Variants in ZNF157 observed in about 807,000 individuals in gnomAD.
ZNF157 encodes the protein zinc finger protein 157.
In ZNF157, 8 loss-of-function variants were observed where a neutral mutation model predicts 9.4. That is an observed-to-expected ratio of 0.85 (90% CI 0.50 to 1.53). The LOEUF is 1.53. Ranked by LOEUF, ZNF157 falls within the 40% of genes most tolerant of loss-of-function variation. The pLI is 0.00. For synonymous variants in ZNF157, 120 were observed against 130.8 expected (o/e 0.92, Z 0.56); for missense variants, 316 against 385.2 (o/e 0.82, Z 1.50).
intron 1 of ZNF157, among the ~76,000 whole-genome samples, chrX:47,392,580 T>C (rs2055900599): frequency 9.0e-6 from 1 of 111,605 alleles, no homozygotes; most frequent in African/African-American, 3.3e-5. Flanking sequence ...CACTATAGTT[T>C]GTTCTCTAGC....
intron 1 of ZNF157, among the ~76,000 whole-genome samples, chrX:47,376,090 G>A (rs376060756): frequency 1.8e-5 from 2 of 111,781 alleles, no homozygotes; most frequent in East Asian, 2.8e-4. Context: ...TGTATTTAAG[G>A]TTCCTCCATG....
chrX:47,413,225 A>C lies in ZNF157; in HGVS notation c.1152A>C (p.Lys384Asn), dbSNP rs1186494595. 1 of 1,211,737 alleles carries C rather than the reference A, an allele frequency of 8.3e-7. No individual in the cohort carries two copies. The highest frequency in any genetic ancestry group is 1.1e-6 in the Non-Finnish European group (1 of 895,411). Residue 384 changes from lysine (K) to asparagine (N), a missense_variant, in exon 4 of 4, where the codon AAA becomes AAC. Physicochemically the swap from Lys to Asn is moderately conservative, Grantham distance 94. Transcript: ENST00000377073. ...ATCAGAGAATTCACACAGGAGAGAA[A>C]CCTTACGAATGTAATGAGTGTGGTA... ...GIHQRIHTGE[K>N]PYECNECGNA...
chrX:47,391,811 A>C (rs767761771), intron 1 of ZNF157, among the ~76,000 whole-genome samples: 1 of 110,775 alleles, frequency 9.0e-6, no homozygotes, highest in Non-Finnish European at 1.9e-5. Flanking sequence ...TGGCCTCCCA[A>C]AGTGCTGGGA....
intron 1 of ZNF157, among the ~76,000 whole-genome samples, chrX:47,380,961 AAAG>A (rs1444467324): frequency 6.5e-5 from 4 of 61,101 alleles, no homozygotes; most frequent in Non-Finnish European, 1.2e-4. Flanking sequence ...AGGAGAAAGA[AAAG>A]GAGGAGCAGG....
chrX:47,389,216 C>CT (rs761527935), intron 1 of ZNF157, among the ~76,000 whole-genome samples: 3 of 109,379 alleles, frequency 2.7e-5, no homozygotes, highest in Non-Finnish European at 5.7e-5. Context: ...TTTCTTTTTT[C>CT]TTTTTTTTGA....
intron 1 of ZNF157, among the ~76,000 whole-genome samples, chrX:47,385,100 G>A (rs1253418792): frequency 9.0e-6 from 1 of 111,708 alleles, no homozygotes; most frequent in African/African-American, 3.2e-5. Context: ...GGACTGCATC[G>A]TGTTTGGATG....
At chrX:47,379,108 G>A (rs922933713) in intron 1 of ZNF157, among the ~76,000 whole-genome samples, 1 of 110,330 alleles carries the variant, frequency 9.1e-6, no homozygotes, top group African/African-American at 3.3e-5. Context: ...AATGCACAAC[G>A]TACTGTTTTT....
chrX:47,412,853 C>G lies in ZNF157; in HGVS notation c.780C>G (p.Thr260=), dbSNP rs139313195. ...GGAAAACCTTTTCTGAGAAGGCAAC[C>G]CTCACGATTCATCAGAGAACTCACA... is the stretch of plus-strand genomic sequence containing the variant. ...ECGKTFSEKA[T]LTIHQRTHTG... is the part of the protein sequence containing the mutation. The change falls in exon 4 of 4, where the codon ACC becomes ACG. Residue 260 remains threonine, a synonymous_variant. Coordinates refer to ENST00000377073, the MANE Select transcript of ZNF157 (RefSeq NM_003446.4). 3.3e-6 allele frequency: 4 copies of G among 1,210,097 alleles called. No individual in the cohort carries two copies. The highest frequency in any genetic ancestry group is 4.5e-6 in the Non-Finnish European group (4 of 895,244).
intron 1 of ZNF157, among the ~76,000 whole-genome samples, chrX:47,387,886 C>CAAAA (rs781763726): frequency 4.1e-4 from 14 of 34,519 alleles, no homozygotes; most frequent in East Asian, 2.4e-3. Context: ...GACTCTGTCT[C>CAAAA]AAAAAAAAAA....
At chrX:47,404,161 CTGTT>C (rs201953340) in intron 1 of ZNF157, among the ~76,000 whole-genome samples, 9 of 107,733 alleles carry the variant, frequency 8.4e-5, no homozygotes, top group Non-Finnish European at 1.5e-4. Context: ...CAGAGCCAGA[CTGTT>C]TGTTTGTTTG....
Position 47,410,706 on chromosome X carries a change from A to T in ZNF157, c.226A>T (p.Ile76Phe). The change falls in exon 3 of 4, where the codon ATC becomes TTC. Residue 76 changes from isoleucine to phenylalanine, a missense_variant. Ile to Phe is a conservative substitution (Grantham distance 21, BLOSUM62 0). This residue lies in a region of ZNF157 where 146 missense variants were observed against 183.8 expected (regional missense o/e 0.79). Transcript: ENST00000377073. ...CCTCTGCGTGGCCAAACCAGAGATGATCTTCAAGTTGGAGCGAGGAGAAGA... is the reference window on the plus strand; with the variant it reads ...CCTCTGCGTGGCCAAACCAGAGATGTTCTTCAAGTTGGAGCGAGGAGAAGA... Reference protein sequence around the residue: ...VGLCVAKPEMIFKLERGEELW... With the variant: ...VGLCVAKPEMFFKLERGEELW... The T allele has an allele frequency of 1.7e-6, 2 of 1,207,651 alleles. No homozygotes were observed. Among genetic ancestry groups the T allele is most frequent in the Non-Finnish European group, 2.2e-6 (2 of 893,683 alleles).
chrX:47,382,640 A>C (rs2055867442), intron 1 of ZNF157, among the ~76,000 whole-genome samples: 3 of 107,801 alleles, frequency 2.8e-5, no homozygotes, highest in Admixed American at 1.0e-4. Flanking sequence ...TTGGGAATAA[A>C]ATGTGAAGCA....
chrX:47,370,592 C>T lies in ZNF157; in HGVS notation c.-77C>T, dbSNP rs2055825719. The T allele has an allele frequency of 1.1e-6, 1 of 914,497 alleles. No homozygotes were observed. Among genetic ancestry groups the T allele is most frequent in the African/African-American group, 2.0e-5 (1 of 49,263 alleles). The allele number at this position is 914,497 out of a possible 1,213,427, so 75.4% of individuals were successfully genotyped here. A position where few individuals can be genotyped will look rare whatever the true frequency, so the allele number is the denominator to read the frequency against. On this transcript the variant is annotated 5_prime_UTR_variant, in exon 1 of 4. Transcript: ENST00000377073. The stretch of plus-strand genomic sequence containing the variant: ...CTCTGTGGAGCCATTGAGCCTTACC[C>T]CTTACTGGAGGCTGCAGGACCCTCT...
At chrX:47,374,686 C>T (rs773783421) in intron 1 of ZNF157, among the ~76,000 whole-genome samples, 1 of 100,719 alleles carries the variant, frequency 9.9e-6, no homozygotes, top group South Asian at 4.6e-4. Flanking sequence ...AGGTGTGAGC[C>T]ACCACGCCCA....
At chrX:47,375,281 C>A (rs1355671298) in intron 1 of ZNF157, among the ~76,000 whole-genome samples, 2 of 109,406 alleles carry the variant, frequency 1.8e-5, no homozygotes, top group Non-Finnish European at 3.8e-5. Context: ...TCCCAAAGTG[C>A]TGGGATTATA....
chrX:47,413,402 A>G lies in ZNF157; in HGVS notation c.1329A>G (p.Glu443=). 1 of 1,211,590 alleles carries G rather than the reference A, an allele frequency of 8.3e-7. No individual in the cohort carries two copies. Among genetic ancestry groups the G allele is most frequent in the Non-Finnish European group, 1.1e-6 (1 of 895,469 alleles). The change falls in exon 4 of 4, where the codon GAA becomes GAG. Residue 443 remains glutamate, a synonymous_variant. Coordinates refer to ENST00000377073, the MANE Select transcript of ZNF157 (RefSeq NM_003446.4). ...CTCACACAGGAGAGAAACCTTATGA[A>G]TGTAGTGAATGTGGAAATGCCTTCT... ...RRTHTGEKPY[E]CSECGNAFYV...
intron 1 of ZNF157, 45 bp from the exon 2 acceptor site, chrX:47,410,231 C>G (rs2055960046): frequency 8.3e-7 from 1 of 1,207,370 alleles, no homozygotes; most frequent in Non-Finnish European, 1.1e-6. Flanking sequence ...TCCTGCACAT[C>G]TTTTTCATGC....
chrX:47,386,811 C>T (rs7055899), intron 1 of ZNF157, among the ~76,000 whole-genome samples: 9,036 of 110,478 alleles, frequency 0.082, 932 homozygotes, highest in African/African-American at 0.28. Flanking sequence ...GCCTTTGTTT[C>T]CTGTGTATTT....
At chrX:47,374,276 A>T (rs952407576) in intron 1 of ZNF157, among the ~76,000 whole-genome samples, 5 of 111,249 alleles carry the variant, frequency 4.5e-5, no homozygotes, top group Admixed American at 1.9e-4. Flanking sequence ...ACAGCATGTT[A>T]TGAGAGTCTA....
Sources: allele counts gnomAD v4.1 joint callset (sites outside exome capture counted in the v4.1 genomes callset), GRCh38; gene constraint gnomAD v4.1.1; regional missense constraint gnomAD v4.1.1; transcripts MANE v1.5; gene names NCBI Gene and HGNC (gene_info 2026-07-23, HGNC 2026-07-21).